Variants in STXBP4 observed in about 807,000 individuals in gnomAD.
STXBP4 encodes the protein syntaxin binding protein 4, also known as syntaxin-binding protein 4.
STXBP4 carries 55 observed loss-of-function variants against 76.1 expected under a neutral mutation model. That is an observed-to-expected ratio of 0.72 (90% CI 0.58 to 0.91). The LOEUF (loss-of-function observed/expected upper bound fraction) is 0.91. Ranked by LOEUF, STXBP4 falls within the 40% of genes least tolerant of loss-of-function variation. STXBP4 has a pLI of 0.00. For synonymous variants in STXBP4, 201 were observed against 220.2 expected (o/e 0.91, Z 0.77); for missense variants, 618 against 636.9 (o/e 0.97, Z 0.32).
intron 8 of STXBP4, among the ~76,000 whole-genome samples, chr17:55,017,659 T>G (rs1348892470): frequency 6.6e-6 from 1 of 152,224 alleles, no homozygotes; most frequent in Non-Finnish European, 1.5e-5. Flanking sequence ...TAGAGACTTC[T>G]GGCTGTGCCA....
rs1483103757 is a variant in STXBP4, at chr17:55,052,946, T to G, written c.1011+5792T>G. On this transcript the variant is annotated intron_variant, in intron 12 of 17. Transcript: ENST00000376352. ...GTGTGTGTGTGTGTGTGTGTGTGTG[T>G]GTGTGGGTTGTATTCTTTAGAAATG... Among the ~76,000 whole-genome samples, 7 of 138,762 alleles carry G rather than the reference T, an allele frequency of 5.0e-5. No homozygotes were observed. In the South Asian group the frequency reaches 1.8e-3, roughly 35 times the overall value. 91.0% of individuals were successfully genotyped at this position (138,762 alleles called of 152,430 possible). A position where few individuals can be genotyped will look rare whatever the true frequency, so the allele number is the denominator to read the frequency against.
At chr17:55,188,082 GT>G in the STXBP4 span, among the ~76,000 whole-genome samples, 1 of 152,176 alleles carries the variant, frequency 6.6e-6, no homozygotes, top group East Asian at 1.9e-4. Flanking sequence ...ACAGCAGTGA[GT>G]TTTGAAACCA....
At chr17:55,060,961 C>G (rs1289333949) in intron 12 of STXBP4, among the ~76,000 whole-genome samples, 1 of 152,198 alleles carries the variant, frequency 6.6e-6, no homozygotes, top group Non-Finnish European at 1.5e-5. Flanking sequence ...CTGAACCAGT[C>G]TTTGCCCTAA....
intron 8 of STXBP4, among the ~76,000 whole-genome samples, chr17:55,019,555 A>T (rs1258334680): frequency 6.6e-6 from 1 of 152,136 alleles, no homozygotes; most frequent in Non-Finnish European, 1.5e-5. Context: ...TTTATAAATT[A>T]TGAATTATTA....
intron 16 of STXBP4, among the ~76,000 whole-genome samples, chr17:55,111,884 AT>A (rs1277925816): frequency 1.3e-5 from 2 of 149,246 alleles, no homozygotes; most frequent in Non-Finnish European, 3.0e-5. Context: ...TCACGCTTTC[AT>A]TTTATTCAGG....
At chr17:55,141,282 A>G in intron 16 of STXBP4, 28 bp from the exon 17 acceptor site, 1 of 1,580,074 alleles carries the variant, frequency 6.3e-7, no homozygotes, top group Non-Finnish European at 8.7e-7. Context: ...ATCTTATTAA[A>G]TATATTTTTG....
intron 8 of STXBP4, among the ~76,000 whole-genome samples, chr17:55,010,656 G>C (rs1417111254): frequency 6.6e-6 from 1 of 152,076 alleles, no homozygotes; most frequent in African/African-American, 2.4e-5. Flanking sequence ...ACCTATGGAA[G>C]ATGCTTTGGG....
At chr17:55,121,924 C>T (rs891758645) in intron 16 of STXBP4, among the ~76,000 whole-genome samples, 1 of 151,948 alleles carries the variant, frequency 6.6e-6, no homozygotes, top group African/African-American at 2.4e-5. Flanking sequence ...TAGGGATCAG[C>T]CACTTAACAC....
At chr17:55,153,944 T>G (rs1390102150) in intron 17 of STXBP4, among the ~76,000 whole-genome samples, 2 of 152,200 alleles carry the variant, frequency 1.3e-5, no homozygotes, top group Non-Finnish European at 2.9e-5. Context: ...TGTTCATATA[T>G]TTATTGAGAA....
chr17:55,177,187 C>T (rs1483573614), downstream of STXBP4, among the ~76,000 whole-genome samples: 1 of 152,146 alleles, frequency 6.6e-6, no homozygotes, highest in Non-Finnish European at 1.5e-5. Flanking sequence ...CTGGAGAACC[C>T]TGACTGAAAC....
chr17:55,042,760 G>C (rs1320429057), intron 10 of STXBP4, among the ~76,000 whole-genome samples: 1 of 152,002 alleles, frequency 6.6e-6, no homozygotes, highest in African/African-American at 2.4e-5. Context: ...CTGCTTGTCT[G>C]TTGCATTACA....
chr17:55,122,912 A>T (rs937280378), intron 16 of STXBP4, among the ~76,000 whole-genome samples: 1 of 152,222 alleles, frequency 6.6e-6, no homozygotes, highest in Non-Finnish European at 1.5e-5. Context: ...AAAGAACATT[A>T]TCTCAAATCA....
intron 1 of STXBP4, among the ~76,000 whole-genome samples, chr17:54,977,962 T>G (rs1057235665): frequency 6.6e-6 from 1 of 152,198 alleles, no homozygotes; most frequent in Non-Finnish European, 1.5e-5. Flanking sequence ...TGTGCCCTCT[T>G]CCTCTTTTGA....
rs78854125 is a variant in STXBP4, at chr17:54,995,483, A to C, written c.181-3862A>C. On this transcript the variant is annotated intron_variant, in intron 4 of 17. Transcript: ENST00000376352. The stretch of plus-strand genomic sequence containing the variant: ...ATATACATATAAGCTATGCATGCAC[A>C]CACACATATATATAACATGCATATA... Among the ~76,000 whole-genome samples the C allele has an allele frequency of 5.6e-4, 86 of 152,310 alleles. 2 individuals are homozygous for C. The East Asian group carries it at 0.015, about 27-fold the overall frequency.
chr17:55,061,143 A>C (rs1019866897), intron 12 of STXBP4, among the ~76,000 whole-genome samples: 3 of 152,208 alleles, frequency 2.0e-5, no homozygotes, highest in Non-Finnish European at 4.4e-5. Context: ...ATTGAGGTTG[A>C]ACATGAATCA....
At chr17:55,123,074 A>G (rs2079864424) in intron 16 of STXBP4, among the ~76,000 whole-genome samples, 1 of 152,184 alleles carries the variant, frequency 6.6e-6, no homozygotes, top group African/African-American at 2.4e-5. Flanking sequence ...GTTAAAGCAG[A>G]CACACAATTT....
chr17:54,971,685 G>A (rs1444040796), intron 1 of STXBP4, among the ~76,000 whole-genome samples: 2 of 152,054 alleles, frequency 1.3e-5, no homozygotes, highest in Non-Finnish European at 2.9e-5. Context: ...TTAGATCTAG[G>A]ATTTAATCCA....
rs568251405 is a variant in STXBP4, at chr17:55,167,582, A to G, written c.*7671A>G. 14 of 152,372 alleles carry G rather than the reference A, an allele frequency of 9.2e-5. 1 individual carries two copies. The South Asian group carries it at 2.9e-3, about 32-fold the overall frequency. The allele number at this position is 152,372 out of a possible 1,614,324, so 9.4% of individuals were successfully genotyped here. A position where few individuals can be genotyped will look rare whatever the true frequency, so the allele number is the denominator to read the frequency against. Reference sequence around the variant, plus strand: ...TACTCACACATTGTTGATTTGCCCAAGGTTCTGAAGAAATACCACAGAATG... The same window carrying G: ...TACTCACACATTGTTGATTTGCCCAGGGTTCTGAAGAAATACCACAGAATG... On this transcript the variant is annotated 3_prime_UTR_variant, in exon 18 of 18. Coordinates refer to ENST00000376352, the MANE Select transcript of STXBP4 (RefSeq NM_178509.6).
intron 16 of STXBP4, among the ~76,000 whole-genome samples, chr17:55,095,816 T>C (rs759595188): frequency 4.6e-5 from 7 of 152,182 alleles, no homozygotes; most frequent in Non-Finnish European, 8.8e-5. Context: ...AGTCACAAGT[T>C]TGGAAAGGAC....
Sources: allele counts gnomAD v4.1 joint callset (sites outside exome capture counted in the v4.1 genomes callset), GRCh38; gene constraint gnomAD v4.1.1; transcripts MANE v1.5; gene names NCBI Gene and HGNC (gene_info 2026-07-23, HGNC 2026-07-21).